The following DROSHA variants were observed in gnomAD, a reference collection of about 807,000 sequenced individuals.
DROSHA encodes drosha ribonuclease III.
In DROSHA, 56 loss-of-function variants were observed where a neutral mutation model predicts 181.9. The ratio of observed to expected loss-of-function variants is 0.31; its 90% CI spans 0.25 to 0.38. DROSHA has a LOEUF of 0.38. DROSHA is among the 10% of genes least tolerant of loss of function. The pLI is 1.00. For synonymous variants in DROSHA, 524 were observed against 591.2 expected, an observed-to-expected ratio of 0.89 and a Z score of 1.65; for missense variants, 1,218 against 1,743.5, an observed-to-expected ratio of 0.70 and a Z score of 5.37.
intron 20 of DROSHA, among the ~76,000 whole-genome samples, chr5:31,457,667 A>T (rs905158826): frequency 6.6e-6 from 1 of 152,136 alleles, no homozygotes; most frequent in African/African-American, 2.4e-5. Context: ...AGGCAAGAGG[A>T]TCACTTGAAC....
At chr5:31,442,254 ACT>A (rs1745684168) in intron 23 of DROSHA, among the ~76,000 whole-genome samples, 1 of 152,186 alleles carries the variant, frequency 6.6e-6, no homozygotes, top group South Asian at 2.1e-4. Context: ...TTATGACTAA[ACT>A]CTGGCAATAA....
chr5:31,506,019 A>G (rs141230842), intron 10 of DROSHA, among the ~76,000 whole-genome samples: 392 of 152,354 alleles, frequency 2.6e-3, no homozygotes, highest in Non-Finnish European at 4.1e-3. Context: ...TTAAGATATT[A>G]TCTAAAGTAA....
chr5:31,468,010 A>G lies in DROSHA; in HGVS notation c.2295T>C (p.Asp765=). The G allele has an allele frequency of 1.2e-6, 2 of 1,612,058 alleles. No homozygotes were observed. The highest frequency in any genetic ancestry group is 1.7e-5 in the Admixed American group (1 of 59,838). ...GGACGATAATCGGAAAAGTAATCAC[A>G]TCGGGGTTGAACTGTTCACGATCCA... ...DQLDREQFNP[D]VITFPIIVHF... Residue 765 remains aspartate (D), a synonymous_variant, in exon 18 of 36, where the codon GAT becomes GAC. Transcript: ENST00000344624.
chr5:31,407,679 T>C (rs745993698), intron 33 of DROSHA, among the ~76,000 whole-genome samples: 1 of 152,166 alleles, frequency 6.6e-6, no homozygotes, highest in Non-Finnish European at 1.5e-5. Flanking sequence ...CTTGATAAAA[T>C]GAGCAAACTC....
intron 11 of DROSHA, among the ~76,000 whole-genome samples, chr5:31,498,076 G>A (rs1201077141): frequency 6.6e-6 from 1 of 152,142 alleles, no homozygotes; most frequent in African/African-American, 2.4e-5. Flanking sequence ...TTCTTGTAAG[G>A]GGAAACTTTG....
chr5:31,418,816 A>G (rs533402076), intron 30 of DROSHA, among the ~76,000 whole-genome samples: 3 of 152,246 alleles, frequency 2.0e-5, no homozygotes, highest in African/African-American at 7.2e-5. Context: ...CTGCCATTCA[A>G]TTACTCAGGG....
chr5:31,449,956 C>A (rs1453042177), intron 21 of DROSHA, among the ~76,000 whole-genome samples: 1 of 151,918 alleles, frequency 6.6e-6, no homozygotes, highest in Non-Finnish European at 1.5e-5. Flanking sequence ...TAAAACAAAT[C>A]AGCAAGAAAA....
Position 31,508,782 on chromosome 5 carries a change from G to C in DROSHA, c.1433-7C>G, listed in dbSNP as rs1738299530. On this transcript the variant is annotated splice_polypyrimidine_tract_variant and splice_region_variant and intron_variant, in intron 9 of 35. Coordinates refer to ENST00000344624, the MANE Select transcript of DROSHA (RefSeq NM_001382508.1). ...TCGGATTCACTGGAACTCTCTAACA[G>C]GGGTTGGGAGAAAAATACAGAAATT... 1.2e-6 allele frequency: 2 copies of C among 1,603,878 alleles called. No individual in the cohort carries two copies. The highest frequency in any genetic ancestry group is 1.7e-5 in the Admixed American group (1 of 58,464).
chr5:31,429,558 C>G lies in DROSHA; in HGVS notation c.3146-13G>C, dbSNP rs768186648. ...AAGTAAACAGCTCCTAGATGAAAAACAGAGAATGCCAAAAGAGAGTCTCCA... is the reference window on the plus strand; with the variant it reads ...AAGTAAACAGCTCCTAGATGAAAAAGAGAGAATGCCAAAAGAGAGTCTCCA... On this transcript the variant is annotated splice_polypyrimidine_tract_variant and intron_variant, in intron 26 of 35. Transcript: ENST00000344624. The G allele has an allele frequency of 3.7e-6, 6 of 1,608,118 alleles. No individual in the cohort carries two copies. In the South Asian group the frequency reaches 5.6e-5, roughly 15 times the overall value.
chr5:31,471,796 G>A (rs998721520), intron 17 of DROSHA, among the ~76,000 whole-genome samples: 4 of 152,084 alleles, frequency 2.6e-5, no homozygotes, highest in Non-Finnish European at 5.9e-5. Context: ...AGCCCTTCTG[G>A]AAAGCAATCT....
chr5:31,520,140 A>G (rs976640824), intron 6 of DROSHA, among the ~76,000 whole-genome samples: 11 of 152,116 alleles, frequency 7.2e-5, no homozygotes, highest in Non-Finnish European at 1.6e-4. Context: ...TTATTGACCT[A>G]TTAAAGTTTT....
rs895664583 is a variant in DROSHA at position 31,411,317 on chromosome 5, G to T, written c.3526-430C>A. On this transcript the variant is annotated intron_variant, in intron 30 of 35. Transcript: ENST00000344624. The surrounding 1 kb of genome is among the most constrained non-coding windows in gnomAD (Gnocchi z 4.2). ...ACCCATTTTCAGTGCACAGTTAGAT[G>T]AGTTTTGAAAAACATGTACATTTTT... 6.6e-6 allele frequency among the ~76,000 whole-genome samples: 1 copy of T among 152,126 alleles called. No individual in the cohort carries two copies. Among genetic ancestry groups the T allele is most frequent in the Non-Finnish European group, 1.5e-5 (1 of 68,026 alleles).
intron 18 of DROSHA, 101 bp downstream of exon 18, chr5:31,467,838 A>C: frequency 4.2e-6 from 6 of 1,444,964 alleles, no homozygotes; most frequent in Non-Finnish European, 5.6e-6. Context: ...TTCAGGTCTT[A>C]ATTTTTAAAA....
intron 13 of DROSHA, 139 bp downstream of exon 13, chr5:31,493,068 T>C: frequency 2.3e-6 from 2 of 883,524 alleles, no homozygotes; most frequent in Non-Finnish European, 1.7e-6. Context: ...GCAGACTTCC[T>C]GCAGCTCATT....
In DROSHA at chr5:31,514,317, CACCAGTACTGAGACT is replaced by C. The variant is rs528136853; in HGVS notation, c.1290+656_1290+670del. 6.5e-4 allele frequency among the ~76,000 whole-genome samples: 99 copies of C among 151,900 alleles called. 1 individual carries two copies. The highest frequency in any genetic ancestry group is 2.2e-3 in the African/African-American group (93 of 41,388). On this transcript the variant is annotated intron_variant, in intron 8 of 35. Coordinates refer to ENST00000344624, the MANE Select transcript of DROSHA (RefSeq NM_001382508.1). This position sits in a 1 kb window ranked among gnomAD's most constrained non-coding sequence, Gnocchi z 4.4. ...AGTTACATGTGAAAGCTTATGAAAC[CACCAGTACTGAGACT>C]ACCAGTATCATTAAAAATGTAGAAT...
chr5:31,483,253 C>T (rs1400853196), intron 16 of DROSHA, among the ~76,000 whole-genome samples: 4 of 152,014 alleles, frequency 2.6e-5, no homozygotes, highest in African/African-American at 9.7e-5. Flanking sequence ...TCCAATTAGC[C>T]ATATGCATTT....
At chr5:31,439,026 T>C (rs1357028616) in intron 23 of DROSHA, among the ~76,000 whole-genome samples, 3 of 152,114 alleles carry the variant, frequency 2.0e-5, no homozygotes, top group Admixed American at 1.3e-4. Context: ...ACTAATTCAG[T>C]CCTGTGAAGT....
chr5:31,402,453 A>AT (rs1740126277), intron 35 of DROSHA, among the ~76,000 whole-genome samples: 3 of 152,176 alleles, frequency 2.0e-5, no homozygotes, highest in Non-Finnish European at 4.4e-5. Flanking sequence ...ATTATAGTAT[A>AT]TTATTGTTCA....
At chr5:31,484,341 T>C (rs1751450982) in intron 15 of DROSHA, among the ~76,000 whole-genome samples, 1 of 107,208 alleles carries the variant, frequency 9.3e-6, no homozygotes, top group South Asian at 2.5e-4. Flanking sequence ...GCCACTGCAG[T>C]CCGCAGTCCG....
Sources: allele counts gnomAD v4.1 joint callset (sites outside exome capture counted in the v4.1 genomes callset), GRCh38; gene constraint gnomAD v4.1.1; non-coding constraint Gnocchi (gnomAD v3.1); transcripts MANE v1.5; gene names NCBI Gene and HGNC (gene_info 2026-07-23, HGNC 2026-07-21).